FBXO22: variants seen among roughly 807,000 people sequenced by gnomAD.
FBXO22 encodes F-box only protein 22.
Under a neutral mutation model 37.2 loss-of-function variants are expected in FBXO22, and 13 were observed. That is an observed-to-expected ratio of 0.35 (90% CI 0.23 to 0.56). FBXO22 has a LOEUF of 0.56. Ranked by LOEUF, FBXO22 falls within the 20% of genes least tolerant of loss-of-function variation. The pLI is 0.87. For missense variants in FBXO22, 446 were observed against 509.9 expected, an observed-to-expected ratio of 0.87 and a Z score of 1.21; for synonymous variants, 189 against 189.1, an observed-to-expected ratio of 1.00 and a Z score of 0.00.
intron 4 of FBXO22, among the ~76,000 whole-genome samples, chr15:75,915,169 C>T (rs1435548738): frequency 6.6e-6 from 1 of 151,964 alleles, no homozygotes; most frequent in East Asian, 1.9e-4. Flanking sequence ...CCGGGTTTCA[C>T]CATGTTGGCC....
rs1296200045 is a variant in FBXO22, at chr15:75,942,364, TG to T, written c.*9263del. The T allele has an allele frequency of 6.6e-6, 1 of 151,626 alleles. No homozygotes were observed. Among genetic ancestry groups the T allele is most frequent in the Admixed American group, 6.6e-5 (1 of 15,220 alleles). The allele number at this position is 151,626 out of a possible 1,614,324, so 9.4% of individuals were successfully genotyped here. On this transcript the variant is annotated 3_prime_UTR_variant, in exon 7 of 7. Coordinates refer to ENST00000308275, the MANE Select transcript of FBXO22 (RefSeq NM_147188.3). ...TTTGTCTCAAAAAGTAAAGTAAAAA[TG>T]TGTCAATATTGGTTAAACAAATATA... is the stretch of plus-strand genomic sequence containing the variant.
intron 5 of FBXO22, among the ~76,000 whole-genome samples, chr15:75,923,121 A>G (rs1427827930): frequency 6.6e-6 from 1 of 152,112 alleles, no homozygotes; most frequent in African/African-American, 2.4e-5. Flanking sequence ...CATCCTGGGA[A>G]TCTTTGATGA....
chr15:75,915,964 G>A (rs1378443717), intron 4 of FBXO22, among the ~76,000 whole-genome samples: 1 of 147,068 alleles, frequency 6.8e-6, no homozygotes, highest in African/African-American at 2.5e-5. Flanking sequence ...CCAGCTACTT[G>A]GGAGGCTGAG....
chr15:75,941,249 TG>T lies in FBXO22; in HGVS notation c.*8150del, dbSNP rs1242976839. 6.6e-6 allele frequency: 1 copy of T among 152,106 alleles called. No homozygotes were observed. The highest frequency in any genetic ancestry group is 1.5e-5 in the Non-Finnish European group (1 of 67,992). The allele number at this position is 152,106 out of a possible 1,614,324, so 9.4% of individuals were successfully genotyped here. A position where few individuals can be genotyped will look rare whatever the true frequency, so the allele number is the denominator to read the frequency against. ...CATTGAGATACCACTTCATACCCAC[TG>T]GGATAGCTCTTATTAAAATTAAAAA... On this transcript the variant is annotated 3_prime_UTR_variant, in exon 7 of 7. Transcript: ENST00000308275.
chr15:75,922,800 A>G (rs1900355680), intron 5 of FBXO22, among the ~76,000 whole-genome samples: 1 of 152,160 alleles, frequency 6.6e-6, no homozygotes, highest in South Asian at 2.1e-4. Flanking sequence ...TAGGGAATGA[A>G]TTGGAGGAAA....
rs987847015 is a variant in FBXO22 at position 75,938,348 on chromosome 15, A to G, written c.*5246A>G. On this transcript the variant is annotated 3_prime_UTR_variant, in exon 7 of 7. Transcript: ENST00000308275. ...AAAGAATCTCATACCTAGAGTTACC[A>G]TATTATAATAGTGAATATCCAACTC... 2 of 152,246 alleles carry G rather than the reference A, an allele frequency of 1.3e-5. No individual in the cohort carries two copies. The highest frequency in any genetic ancestry group is 4.8e-5 in the African/African-American group (2 of 41,468). The allele number at this position is 152,246 out of a possible 1,614,324, so 9.4% of individuals were successfully genotyped here.
intron 2 of FBXO22, among the ~76,000 whole-genome samples, chr15:75,912,404 T>C (rs1299032541): frequency 2.0e-5 from 3 of 152,146 alleles, no homozygotes; most frequent in Admixed American, 6.5e-5. Context: ...GGTCCTGGGC[T>C]TTTTTTGGTT....
rs2030963222 is a variant in FBXO22 at position 75,941,601 on chromosome 15, A to G, written c.*8499A>G. ...AATATTATTCAGCCATAAAAAGGAA[A>G]TCCTTCTACATACTACATCATGGAT... On this transcript the variant is annotated 3_prime_UTR_variant, in exon 7 of 7. Coordinates refer to ENST00000308275, the MANE Select transcript of FBXO22 (RefSeq NM_147188.3). 6.6e-6 allele frequency: 1 copy of G among 152,198 alleles called. No individual in the cohort carries two copies. The highest frequency in any genetic ancestry group is 6.5e-5 in the Admixed American group (1 of 15,286). 9.4% of individuals were successfully genotyped at this position (152,198 alleles called of 1,614,324 possible). A position where few individuals can be genotyped will look rare whatever the true frequency, so the allele number is the denominator to read the frequency against.
chr15:75,938,596 A>G lies in FBXO22; in HGVS notation c.*5494A>G, dbSNP rs2030612340. On this transcript the variant is annotated 3_prime_UTR_variant, in exon 7 of 7. Transcript: ENST00000308275. ...ATATCAACAGATAGGCATTATAAAA[A>G]AATTCTGGCAGAGAAAAGTATAATA... 1 of 152,226 alleles carries G rather than the reference A, an allele frequency of 6.6e-6. No individual in the cohort carries two copies. Among genetic ancestry groups the G allele is most frequent in the South Asian group, 2.1e-4 (1 of 4,832 alleles). 9.4% of individuals were successfully genotyped at this position (152,226 alleles called of 1,614,324 possible).
intron 6 of FBXO22, 24 bp from the exon 7 acceptor site, chr15:75,932,661 T>C: frequency 3.2e-6 from 5 of 1,550,666 alleles, no homozygotes; most frequent in South Asian, 2.5e-5. Flanking sequence ...TCATGAGATA[T>C]TGCCACTTTT....
chr15:75,909,584 G>A (rs1451699263), intron 2 of FBXO22, among the ~76,000 whole-genome samples: 1 of 152,076 alleles, frequency 6.6e-6, no homozygotes, highest in Non-Finnish European at 1.5e-5. Flanking sequence ...TGATGTTTTT[G>A]TTCTAAGAGC....
At position 75,940,963 on chromosome 15, in the gene FBXO22, T is replaced by C. The variant is rs2030893534; in HGVS notation, c.*7861T>C. ...GGCAAATTATACTTCATTAAAATTT[T>C]GTGCATCAAAGAACACTATCAACAG... On this transcript the variant is annotated 3_prime_UTR_variant, in exon 7 of 7. Transcript: ENST00000308275. The C allele has an allele frequency of 6.6e-6, 1 of 152,170 alleles. No individual in the cohort carries two copies. The highest frequency in any genetic ancestry group is 6.5e-5 in the Admixed American group (1 of 15,280). 9.4% of individuals were successfully genotyped at this position (152,170 alleles called of 1,614,324 possible). A position where few individuals can be genotyped will look rare whatever the true frequency, so the allele number is the denominator to read the frequency against.
chr15:75,917,969 T>C (rs573442607), intron 5 of FBXO22, among the ~76,000 whole-genome samples: 1 of 152,238 alleles, frequency 6.6e-6, no homozygotes, highest in African/African-American at 2.4e-5. Flanking sequence ...AGGTAAAGGG[T>C]TGGCTTAATG....
chr15:75,941,441 T>G lies in FBXO22; in HGVS notation c.*8339T>G, dbSNP rs2030943883. The G allele has an allele frequency of 6.6e-6, 1 of 152,172 alleles. No individual in the cohort carries two copies. The highest frequency in any genetic ancestry group is 2.1e-4 in the South Asian group (1 of 4,832). 9.4% of individuals were successfully genotyped at this position (152,172 alleles called of 1,614,324 possible). On this transcript the variant is annotated 3_prime_UTR_variant, in exon 7 of 7. Transcript: ENST00000308275. Reference sequence around the variant, plus strand: ...TTTCTGGGTATATACACAAAATAATTGAAAGCGGAGGCTTGAGGGTATATT... The same window carrying G: ...TTTCTGGGTATATACACAAAATAATGGAAAGCGGAGGCTTGAGGGTATATT...
Position 75,930,043 on chromosome 15 carries a change from C to G in FBXO22, c.788C>G (p.Ser263Cys). ...GTGGACAACCTGTCATCACTGACTT[C>G]TGAAAAGTATGTCTTGTGTGCTTCT... is the stretch of plus-strand genomic sequence containing the variant. ...GQVDNLSSLT[S>C]EKNPLDIDAS... Residue 263 changes from serine (S) to cysteine (C), a missense_variant, in exon 6 of 7, where the codon TCT becomes TGT. By Grantham distance (112) the Ser-to-Cys change is moderately radical. Transcript: ENST00000308275. 6.2e-7 allele frequency: 1 copy of G among 1,614,002 alleles called. No homozygotes were observed. Among genetic ancestry groups the G allele is most frequent in the Non-Finnish European group, 8.5e-7 (1 of 1,179,912 alleles).
At chr15:75,917,524 A>ATG (rs1900217747) in intron 5 of FBXO22, 130 bp downstream of exon 5, 2 of 621,332 alleles carry the variant, frequency 3.2e-6, no homozygotes, top group East Asian at 5.9e-5. Context: ...GTCACTGGAG[A>ATG]TGTGGCTAAT....
Position 75,913,052 on chromosome 15 carries a change from A to G in FBXO22, c.280-151A>G. On this transcript the variant is annotated intron_variant, in intron 2 of 6. Coordinates refer to ENST00000308275, the MANE Select transcript of FBXO22 (RefSeq NM_147188.3). ...GTAGTCATTCAGTAGCAGGTTGTTCAGTTTCCATGTAGTTGTGTGGTTTTG... is the reference window on the plus strand; with the variant it reads ...GTAGTCATTCAGTAGCAGGTTGTTCGGTTTCCATGTAGTTGTGTGGTTTTG... 3 of 494,198 alleles carry G rather than the reference A, an allele frequency of 6.1e-6. No homozygotes were observed. The East Asian group carries it at 1.0e-4, about 17-fold the overall frequency. 30.6% of individuals were successfully genotyped at this position (494,198 alleles called of 1,614,324 possible). A position where few individuals can be genotyped will look rare whatever the true frequency, so the allele number is the denominator to read the frequency against.
chr15:75,916,236 C>T (rs1001675196), intron 4 of FBXO22, among the ~76,000 whole-genome samples: 5 of 152,032 alleles, frequency 3.3e-5, no homozygotes, highest in Non-Finnish European at 7.4e-5. Flanking sequence ...AACCAGAATA[C>T]AATTTTCTGT....
intron 6 of FBXO22, among the ~76,000 whole-genome samples, chr15:75,932,156 G>A (rs2030047731): frequency 6.6e-6 from 1 of 152,220 alleles, no homozygotes; most frequent in Non-Finnish European, 1.5e-5. Flanking sequence ...TGAGGCTGCA[G>A]TGAGCTATGA....
Sources: allele counts gnomAD v4.1 joint callset (sites outside exome capture counted in the v4.1 genomes callset), GRCh38; gene constraint gnomAD v4.1.1; transcripts MANE v1.5; gene names NCBI Gene and HGNC (gene_info 2026-07-23, HGNC 2026-07-21).